The following BLTP1 variants were observed in gnomAD, a reference collection of about 807,000 sequenced individuals.
BLTP1 encodes bridge-like lipid transfer protein family member 1.
At chr4:122,324,236 T>C in the BLTP1 span, 4 of 199,896 alleles carry the variant, frequency 2.0e-5, no homozygotes, top group South Asian at 1.7e-4. Flanking sequence ...CCTGTTTTCA[T>C]TGCGCCTCCT....
the BLTP1 span, chr4:122,178,169 T>G: frequency 5.9e-6 from 5 of 852,086 alleles, no homozygotes; most frequent in African/African-American, 3.7e-5. Flanking sequence ...ATGTTTCTAT[T>G]CCCAGATAGA....
the BLTP1 span, chr4:122,312,885 G>C: frequency 1.2e-6 from 1 of 857,806 alleles, no homozygotes; most frequent in South Asian, 5.4e-5. Flanking sequence ...ATGTACTCTG[G>C]AGTTTAAATT....
chr4:122,346,756 G>T, the BLTP1 span: 5 of 1,608,598 alleles, frequency 3.1e-6, no homozygotes, highest in Admixed American at 6.8e-5. Flanking sequence ...CTATAAATTT[G>T]CCAAGTAAGC....
chr4:122,295,337 GA>G, the BLTP1 span, among the ~76,000 whole-genome samples: 2 of 151,822 alleles, frequency 1.3e-5, no homozygotes, highest in Non-Finnish European at 2.9e-5. Context: ...TGAAATGAAA[GA>G]AAAAAAGTTA....
chr4:122,237,656 A>G, the BLTP1 span: 1 of 757,834 alleles, frequency 1.3e-6, no homozygotes, highest in Admixed American at 6.3e-5. Flanking sequence ...ATCTATACTT[A>G]TGTAGATATA....
At chr4:122,165,397 T>C in the BLTP1 span, among the ~76,000 whole-genome samples, 1 of 151,162 alleles carries the variant, frequency 6.6e-6, no homozygotes, top group African/African-American at 2.4e-5. Flanking sequence ...ACAAAGGACA[T>C]GAACTCATCC....
At chr4:122,179,552 G>A in the BLTP1 span, among the ~76,000 whole-genome samples, 1 of 152,046 alleles carries the variant, frequency 6.6e-6, no homozygotes, top group African/African-American at 2.4e-5. Flanking sequence ...ATCCTCAGGA[G>A]TATTTTATGT....
At chr4:122,241,606 C>A in the BLTP1 span, among the ~76,000 whole-genome samples, 1 of 152,060 alleles carries the variant, frequency 6.6e-6, no homozygotes, top group Admixed American at 6.5e-5. Flanking sequence ...TGAATATTCT[C>A]ATAGATTATG....
the BLTP1 span, chr4:122,328,476 GACTA>G: frequency 2.4e-6 from 2 of 836,422 alleles, no homozygotes; most frequent in Non-Finnish European, 3.4e-6. Context: ...GCTTGAGTGA[GACTA>G]ACAGACTCAT....
chr4:122,185,998 A>G, the BLTP1 span: 1 of 1,453,964 alleles, frequency 6.9e-7, no homozygotes, highest in Non-Finnish European at 9.3e-7. Context: ...AGTTCTTAAA[A>G]AGTTGACTAA....
chr4:122,290,786 CAAAAAAAAA>C, the BLTP1 span: 4 of 22,626 alleles, frequency 1.8e-4, no homozygotes, highest in Admixed American at 6.7e-4. Flanking sequence ...GATTCCGTCT[CAAAAAAAAA>C]AAAAAAAAAA....
At chr4:122,254,712 G>A in the BLTP1 span, 8 of 1,274,790 alleles carry the variant, frequency 6.3e-6, no homozygotes, top group Admixed American at 3.7e-5. Flanking sequence ...TTTTGCCTGA[G>A]TAAAACAACC....
the BLTP1 span, chr4:122,237,085 A>T: frequency 3.0e-6 from 3 of 984,530 alleles, no homozygotes; most frequent in Non-Finnish European, 3.6e-6. Flanking sequence ...CATTTGTGGT[A>T]GTAGAAGTAA....
chr4:122,325,714 C>A, the BLTP1 span: 1 of 868,236 alleles, frequency 1.2e-6, no homozygotes, highest in Non-Finnish European at 1.6e-6. Flanking sequence ...AGAAGATCAG[C>A]TTCAAAGTTG....
chr4:122,242,017 G>A, the BLTP1 span, among the ~76,000 whole-genome samples: 622 of 152,226 alleles, frequency 4.1e-3, 3 homozygotes, highest in Non-Finnish European at 6.7e-3. Flanking sequence ...ACACTTGTGC[G>A]CTGTTGGTGG....
At chr4:122,168,717 G>A in the BLTP1 span, among the ~76,000 whole-genome samples, 1 of 151,912 alleles carries the variant, frequency 6.6e-6, no homozygotes, top group African/African-American at 2.4e-5. Context: ...TTTCTACACT[G>A]TAGGAAAAAA....
chr4:122,304,863 A>C, the BLTP1 span: 1 of 1,613,992 alleles, frequency 6.2e-7, no homozygotes, highest in Non-Finnish European at 8.5e-7. Context: ...GATTGATTGA[A>C]CTGGAACTTT....
chr4:122,289,626 T>C, the BLTP1 span: 24 of 985,324 alleles, frequency 2.4e-5, no homozygotes, highest in East Asian at 1.9e-3. Flanking sequence ...TAGCTTACAG[T>C]TGAGCTTAGT....
chr4:122,254,570 C>T, the BLTP1 span: 1 of 944,292 alleles, frequency 1.1e-6, no homozygotes, highest in Non-Finnish European at 1.3e-6. Context: ...TGTTCCTCTG[C>T]CTTAGACTTT....
Sources: gnomAD v4.1 joint callset for allele counts (sites outside exome capture counted in the v4.1 genomes callset) on GRCh38, gnomAD v4.1.1 for gene constraint, MANE v1.5 for transcripts, NCBI Gene and HGNC (gene_info 2026-07-23, HGNC 2026-07-21) for gene names.